The following SMYD3 variants were observed in gnomAD, a reference collection of about 807,000 sequenced individuals.
SMYD3 encodes the protein SET and MYND domain containing 3, also known as histone-lysine N-methyltransferase SMYD3.
In SMYD3, 36 loss-of-function variants were observed where a neutral mutation model predicts 57.7. The ratio of observed to expected loss-of-function variants is 0.62; its 90% CI spans 0.48 to 0.82. SMYD3 has a LOEUF of 0.82. Ranked by LOEUF, SMYD3 falls within the 40% of genes least tolerant of loss-of-function variation. The pLI, the probability that SMYD3 is intolerant of heterozygous loss-of-function variation, is 0.00. For synonymous variants in SMYD3, 211 were observed against 195.0 expected, an observed-to-expected ratio of 1.08 and a Z score of -0.68; for missense variants, 515 against 538.8, an observed-to-expected ratio of 0.96 and a Z score of 0.44.
At chr1:246,213,235 AG>A (rs2063116034) in intron 5 of SMYD3, among the ~76,000 whole-genome samples, 1 of 152,292 alleles carries the variant, frequency 6.6e-6, no homozygotes, top group Admixed American at 6.5e-5. Context: ...TGCTGACAAA[AG>A]CACTTTTCTA....
intron 5 of SMYD3, among the ~76,000 whole-genome samples, chr1:246,105,068 G>C (rs929083567): frequency 3.9e-5 from 6 of 152,126 alleles, no homozygotes; most frequent in Non-Finnish European, 8.8e-5. Flanking sequence ...TCACAGGTAA[G>C]AGGACATTCT....
At chr1:246,326,625 G>A (rs368664113) in intron 5 of SMYD3, 30 of 380,896 alleles carry the variant, frequency 7.9e-5, no homozygotes, top group African/African-American at 2.3e-4. Flanking sequence ...TTAGCTGGGC[G>A]TGGTGGCTCA....
Position 246,367,955 on chromosome 1 carries a change from T to C in SMYD3, c.165-12861A>G, listed in dbSNP as rs115781182. Reference sequence around the variant, plus strand: ...TCACTTGTTCATACAAACCTGACTCTAGAGAACGGAGTGTCATATCAAAGA... The same window carrying C: ...TCACTTGTTCATACAAACCTGACTCCAGAGAACGGAGTGTCATATCAAAGA... On this transcript the variant is annotated intron_variant, in intron 1 of 11. Transcript: ENST00000490107. 4.0e-3 allele frequency among the ~76,000 whole-genome samples: 603 copies of C among 152,294 alleles called. 2 individuals are homozygous for C. Among genetic ancestry groups the C allele is most frequent in the African/African-American group, 0.013 (529 of 41,566 alleles).
chr1:246,322,717 G>A (rs1004894448), intron 5 of SMYD3, among the ~76,000 whole-genome samples: 2 of 151,860 alleles, frequency 1.3e-5, no homozygotes, highest in Non-Finnish European at 2.9e-5. Context: ...TACAATCTAA[G>A]TTTTTTAAAA....
chr1:246,288,984 G>A (rs964762745), intron 5 of SMYD3, among the ~76,000 whole-genome samples: 1 of 151,960 alleles, frequency 6.6e-6, no homozygotes, highest in African/African-American at 2.4e-5. Context: ...GTGTGGTGGC[G>A]GGCACCTGTA....
intron 4 of SMYD3, among the ~76,000 whole-genome samples, chr1:246,328,668 G>GT (rs1056503096): frequency 1.3e-5 from 2 of 149,698 alleles, no homozygotes; most frequent in Admixed American, 6.6e-5. Context: ...GTAAATATAT[G>GT]TTTTTTTATT....
chr1:245,892,491 A>G (rs1004285098), intron 8 of SMYD3, among the ~76,000 whole-genome samples: 1 of 152,252 alleles, frequency 6.6e-6, no homozygotes, highest in African/African-American at 2.4e-5. Flanking sequence ...AGAACCATCT[A>G]TCTGCAAAGC....
chr1:246,423,643 C>G (rs1316705858), intron 1 of SMYD3, among the ~76,000 whole-genome samples: 1 of 152,022 alleles, frequency 6.6e-6, no homozygotes, highest in Non-Finnish European at 1.5e-5. Context: ...TAAAACTAAG[C>G]TGGGCAATAT....
At chr1:246,034,452 G>A (rs1248622146) in intron 5 of SMYD3, 1 of 152,106 alleles carries the variant, frequency 6.6e-6, no homozygotes, top group Non-Finnish European at 1.5e-5. Context: ...ATGAATCAAG[G>A]CCAAAAATTA....
chr1:246,160,021 C>T (rs2062089846), intron 5 of SMYD3, among the ~76,000 whole-genome samples: 1 of 152,158 alleles, frequency 6.6e-6, no homozygotes, highest in Non-Finnish European at 1.5e-5. Context: ...TAAGTTGACT[C>T]AGCTAAATTC....
intron 5 of SMYD3, among the ~76,000 whole-genome samples, chr1:246,292,540 A>C (rs10924677): frequency 0.099 from 15,123 of 152,236 alleles, 1,447 homozygotes; most frequent in African/African-American, 0.24. Flanking sequence ...ATCACTGTCA[A>C]GTATTAAAGC....
intron 5 of SMYD3, among the ~76,000 whole-genome samples, chr1:246,246,709 A>G (rs375554129): frequency 6.6e-6 from 1 of 151,902 alleles, no homozygotes; most frequent in Admixed American, 6.6e-5. Context: ...CTATGAAGTT[A>G]TTTTTAGAAT....
intron 5 of SMYD3, among the ~76,000 whole-genome samples, chr1:246,206,826 C>A (rs1475011406): frequency 6.6e-6 from 1 of 152,162 alleles, no homozygotes; most frequent in Admixed American, 6.5e-5. Flanking sequence ...TTAGAGTAAT[C>A]ATATTAAATT....
intron 1 of SMYD3, among the ~76,000 whole-genome samples, chr1:246,465,005 A>G (rs971999561): frequency 2.0e-5 from 3 of 152,224 alleles, no homozygotes; most frequent in African/African-American, 7.2e-5. Flanking sequence ...ACAACCAGCT[A>G]TGGATTTCTT....
At chr1:245,852,263 G>C (rs1572512785) in intron 10 of SMYD3, among the ~76,000 whole-genome samples, 1 of 152,164 alleles carries the variant, frequency 6.6e-6, no homozygotes. Flanking sequence ...TCCATGCACA[G>C]AGTGTCCTAG....
chr1:246,481,415 G>T (rs2068097816), intron 1 of SMYD3, among the ~76,000 whole-genome samples: 1 of 150,858 alleles, frequency 6.6e-6, no homozygotes, highest in Non-Finnish European at 1.5e-5. Context: ...TAGAACAAAA[G>T]AATGGAGAAA....
At chr1:246,304,822 G>C (rs2148620692) in intron 5 of SMYD3, among the ~76,000 whole-genome samples, 1 of 152,248 alleles carries the variant, frequency 6.6e-6, no homozygotes, top group South Asian at 2.1e-4. Flanking sequence ...ATGTAAAGAG[G>C]AAAAGCCCCA....
At chr1:245,810,203 C>T (rs2048383406) in intron 10 of SMYD3, among the ~76,000 whole-genome samples, 1 of 152,184 alleles carries the variant, frequency 6.6e-6, no homozygotes, top group South Asian at 2.1e-4. Context: ...AACATCACCT[C>T]TCTTGCTAGG....
At chr1:245,998,490 A>G (rs930865967) in intron 5 of SMYD3, among the ~76,000 whole-genome samples, 1 of 152,170 alleles carries the variant, frequency 6.6e-6, no homozygotes, top group Non-Finnish European at 1.5e-5. Context: ...TCCCATTAGG[A>G]GGGCTATTAC....
Sources: allele counts gnomAD v4.1 joint callset (sites outside exome capture counted in the v4.1 genomes callset), GRCh38; gene constraint gnomAD v4.1.1; transcripts MANE v1.5; gene names NCBI Gene and HGNC (gene_info 2026-07-23, HGNC 2026-07-21).